Variants in PHF21B observed in about 807,000 individuals in gnomAD.
PHF21B encodes the protein PHD finger protein 21B, also known as PHD finger protein 4.
PHF21B carries 22 observed loss-of-function variants against 62.2 expected under a neutral mutation model. The ratio of observed to expected loss-of-function variants is 0.35; its 90% CI spans 0.25 to 0.51. The LOEUF is 0.51. PHF21B is among the 20% of genes least tolerant of loss of function. The pLI, the probability that PHF21B is intolerant of heterozygous loss-of-function variation, is 0.97. For synonymous variants in PHF21B, 341 were observed against 314.7 expected (o/e 1.08, Z -0.88); for missense variants, 701 against 707.9 (o/e 0.99, Z 0.11).
chr22:44,934,298 G>T (rs1419121896), intron 2 of PHF21B, among the ~76,000 whole-genome samples: 1 of 152,208 alleles, frequency 6.6e-6, no homozygotes, highest in Non-Finnish European at 1.5e-5. Context: ...GAACAGCCTG[G>T]TACCCAGCCA....
intron 2 of PHF21B, among the ~76,000 whole-genome samples, chr22:44,957,533 TAGTC>T (rs1569253969): frequency 6.6e-6 from 1 of 152,114 alleles, no homozygotes; most frequent in Non-Finnish European, 1.5e-5. Context: ...ACAGAATCAA[TAGTC>T]AGCCCTCTCT....
chr22:44,975,756 C>T (rs115482571), intron 2 of PHF21B, among the ~76,000 whole-genome samples: 1 of 152,238 alleles, frequency 6.6e-6, no homozygotes, highest in Non-Finnish European at 1.5e-5. Context: ...ACCAGCAGGG[C>T]TCTTGGGGCC....
At chr22:44,983,610 G>C (rs2072882450) in intron 2 of PHF21B, among the ~76,000 whole-genome samples, 2 of 152,110 alleles carry the variant, frequency 1.3e-5, no homozygotes, top group African/African-American at 2.4e-5. Context: ...TGTACTTTTT[G>C]TATTTTTTAA....
At chr22:44,984,045 C>A (rs1223921810) in intron 2 of PHF21B, among the ~76,000 whole-genome samples, 4 of 149,854 alleles carry the variant, frequency 2.7e-5, no homozygotes, top group Non-Finnish European at 4.4e-5. Flanking sequence ...TCATCACCAC[C>A]ATCATCACTA....
intron 5 of PHF21B, among the ~76,000 whole-genome samples, 154 bp downstream of exon 5, chr22:44,913,668 G>A (rs1037709211): frequency 8.5e-5 from 13 of 152,190 alleles, no homozygotes; most frequent in Admixed American, 1.3e-4. Flanking sequence ...CTTGCTTGGC[G>A]AGGCCCCATC....
intron 2 of PHF21B, among the ~76,000 whole-genome samples, chr22:44,952,291 C>T (rs1235275303): frequency 5.3e-5 from 8 of 152,118 alleles, no homozygotes; most frequent in Admixed American, 4.6e-4. Context: ...TGCAGTGAGC[C>T]GAGATCGCAC....
At chr22:44,974,282 C>T (rs1401188828) in intron 2 of PHF21B, among the ~76,000 whole-genome samples, 5 of 151,896 alleles carry the variant, frequency 3.3e-5, no homozygotes, top group South Asian at 2.1e-4. Flanking sequence ...GGCATGGTGG[C>T]GGATGCCTGT....
intron 2 of PHF21B, among the ~76,000 whole-genome samples, chr22:44,962,560 T>C (rs1569257786): frequency 6.6e-6 from 1 of 152,232 alleles, no homozygotes. Flanking sequence ...TGAACGTGTA[T>C]TGCTTTTGCA....
intron 2 of PHF21B, among the ~76,000 whole-genome samples, chr22:44,943,354 G>A (rs1289109527): frequency 1.3e-5 from 2 of 152,124 alleles, no homozygotes; most frequent in African/African-American, 2.4e-5. Context: ...GAGCTGGCCC[G>A]GGGAGGCCAG....
chr22:44,906,335 T>C (rs1322192652), intron 5 of PHF21B, among the ~76,000 whole-genome samples: 2 of 152,046 alleles, frequency 1.3e-5, no homozygotes, highest in East Asian at 1.9e-4. Flanking sequence ...GCAGGGCGAA[T>C]AGACAGGGAG....
chr22:44,891,278 T>C, intron 8 of PHF21B, 28 bp downstream of exon 8: 2 of 1,612,716 alleles, frequency 1.2e-6, no homozygotes, highest in East Asian at 4.5e-5. Flanking sequence ...TGAGCAGCTC[T>C]GGCAGAAGGC....
intron 5 of PHF21B, among the ~76,000 whole-genome samples, chr22:44,906,421 G>T (rs1055189010): frequency 6.6e-6 from 1 of 152,226 alleles, no homozygotes; most frequent in Non-Finnish European, 1.5e-5. Flanking sequence ...AGGAAGGAGG[G>T]CTGGGCACAG....
In PHF21B at chr22:44,901,887, C is replaced by T. The variant is rs146571058; in HGVS notation, c.832-5804G>A. The T allele has an allele frequency of 3.4e-4, 85 of 250,270 alleles. No homozygotes were observed. In the East Asian group the frequency reaches 5.6e-3, roughly 17 times the overall value. The allele number at this position is 250,270 out of a possible 1,614,324, so 15.5% of individuals were successfully genotyped here. On this transcript the variant is annotated intron_variant, in intron 5 of 12. Coordinates refer to ENST00000313237, the MANE Select transcript of PHF21B (RefSeq NM_138415.5). ...TGGTGGTGACAAGAATGGTGGTACC[C>T]GGCTGGTTCAACTTCACAAAATGCC...
chr22:44,998,676 A>G (rs1161766884), intron 2 of PHF21B, among the ~76,000 whole-genome samples: 4 of 152,244 alleles, frequency 2.6e-5, no homozygotes, highest in Non-Finnish European at 5.9e-5. Flanking sequence ...AAAGCAACTC[A>G]GTAGTTTCTG....
At chr22:44,931,142 A>G (rs1010888323) in intron 2 of PHF21B, among the ~76,000 whole-genome samples, 1 of 152,128 alleles carries the variant, frequency 6.6e-6, no homozygotes, top group Non-Finnish European at 1.5e-5. Context: ...GCAGCCTCGA[A>G]TTCCTGGGCT....
At chr22:44,972,942 G>A (rs1283090690) in intron 2 of PHF21B, among the ~76,000 whole-genome samples, 2 of 152,222 alleles carry the variant, frequency 1.3e-5, no homozygotes, top group African/African-American at 2.4e-5. Context: ...GGCGCTCAGA[G>A]ATGAGGAGGC....
chr22:44,890,318 C>T (rs1354060822), intron 8 of PHF21B, among the ~76,000 whole-genome samples: 1 of 152,206 alleles, frequency 6.6e-6, no homozygotes. Context: ...CTGTAATCCA[C>T]TCTCATTCTA....
At chr22:44,952,427 TG>T (rs1318081993) in intron 2 of PHF21B, among the ~76,000 whole-genome samples, 9 of 152,126 alleles carry the variant, frequency 5.9e-5, no homozygotes, top group Non-Finnish European at 1.2e-4. Flanking sequence ...CACAACAAAA[TG>T]GCATATGGTC....
chr22:44,998,340 G>A (rs2073155687), intron 2 of PHF21B, among the ~76,000 whole-genome samples: 1 of 152,224 alleles, frequency 6.6e-6, no homozygotes, highest in East Asian at 1.9e-4. Flanking sequence ...AGCGGCTTCA[G>A]AAAGAAAACT....
Sources: allele counts gnomAD v4.1 joint callset (sites outside exome capture counted in the v4.1 genomes callset), GRCh38; gene constraint gnomAD v4.1.1; transcripts MANE v1.5; gene names NCBI Gene and HGNC (gene_info 2026-07-23, HGNC 2026-07-21).